Variants in TAOK3 observed in about 807,000 individuals in gnomAD.
The protein encoded by TAOK3 is serine/threonine-protein kinase TAO3.
Under a neutral mutation model 120.4 loss-of-function variants are expected in TAOK3, and 40 were observed. That is an observed-to-expected ratio of 0.33 (90% CI 0.26 to 0.43). The LOEUF (loss-of-function observed/expected upper bound fraction) is 0.43, where lower values mean the gene tolerates loss of function less well. Among genes scored for constraint, TAOK3 ranks in the 20% least tolerant of loss-of-function variants. The pLI, the probability that TAOK3 is intolerant of heterozygous loss-of-function variation, is 1.00. For missense variants in TAOK3, 821 were observed against 1,112.1 expected (o/e 0.74, Z 3.72); for synonymous variants, 355 against 387.5 (o/e 0.92, Z 0.99).
chr12:118,182,623 A>ATATATATATATATATATATATTT (rs371125415), intron 14 of TAOK3, among the ~76,000 whole-genome samples: 1 of 92,416 alleles, frequency 1.1e-5, no homozygotes, highest in Non-Finnish European at 2.0e-5. Context: ...ATATATATAT[A>ATATATATATATATATATATATTT]TTTTTTTTTT....
intron 1 of TAOK3, among the ~76,000 whole-genome samples, chr12:118,302,475 A>G (rs916239824): frequency 2.0e-5 from 3 of 152,148 alleles, no homozygotes; most frequent in Non-Finnish European, 2.9e-5. Flanking sequence ...CAGTTTTCTT[A>G]TGGGTATAAT....
At position 118,160,173 on chromosome 12, in the gene TAOK3, A is replaced by G. The variant is rs150087751; in HGVS notation, c.2325T>C (p.Ser775=). 268 of 1,614,048 alleles carry G rather than the reference A, an allele frequency of 1.7e-4. No homozygotes were observed. The African/African-American group carries it at 3.1e-3, about 19-fold the overall frequency. The part of the protein sequence containing the change: ...LAILAEQYEQ[S]INEMMASQAL... ...CTTGAGAGGCCATCATTTCATTTAT[A>G]CTCTGTTCATACTGCTCTGCCAAAA... The change falls in exon 19 of 21, where the codon AGT becomes AGC. Residue 775 remains serine (S), a synonymous_variant. Transcript: ENST00000392533. This position sits in a 1 kb window ranked among gnomAD's most constrained non-coding sequence, Gnocchi z 4.2.
rs751272460 is a variant in TAOK3 at position 118,233,658 on chromosome 12, A to G, written c.643+16T>C. On this transcript the variant is annotated intron_variant, in intron 9 of 20. Transcript: ENST00000392533. ...ATTTTAAAAAATACAATGAAAACAAATAACTCTTTACTCACCCAATTCAAT... is the reference window on the plus strand; with the variant it reads ...ATTTTAAAAAATACAATGAAAACAAGTAACTCTTTACTCACCCAATTCAAT... 3.9e-6 allele frequency: 6 copies of G among 1,554,138 alleles called. No individual in the cohort carries two copies. In the African/African-American group the frequency reaches 6.8e-5, roughly 18 times the overall value.
At chr12:118,250,582 T>A (rs1466890612) in intron 3 of TAOK3, among the ~76,000 whole-genome samples, 1 of 148,112 alleles carries the variant, frequency 6.8e-6, no homozygotes, top group African/African-American at 2.7e-5. Flanking sequence ...GAGTTCTTCA[T>A]CATTCATTCA....
At chr12:118,317,881 C>T (rs1053464570) in intron 1 of TAOK3, among the ~76,000 whole-genome samples, 2 of 152,046 alleles carry the variant, frequency 1.3e-5, no homozygotes, top group Non-Finnish European at 1.5e-5. Flanking sequence ...TTACAAAGCT[C>T]AGTAATCAAA....
chr12:118,173,403 G>A (rs1424414819), intron 16 of TAOK3, among the ~76,000 whole-genome samples: 1 of 152,164 alleles, frequency 6.6e-6, no homozygotes, highest in African/African-American at 2.4e-5. Context: ...ATAATGAGAT[G>A]CATTTGAAAA....
chr12:118,162,121 T>C (rs2035260689), intron 17 of TAOK3, 94 bp from the exon 18 acceptor site: 6 of 1,465,918 alleles, frequency 4.1e-6, no homozygotes, highest in Non-Finnish European at 5.6e-6. Context: ...GGAATGGCAC[T>C]GCTAACCATC....
At chr12:118,261,207 A>G (rs2041213910) in intron 2 of TAOK3, among the ~76,000 whole-genome samples, 1 of 152,236 alleles carries the variant, frequency 6.6e-6, no homozygotes, top group Non-Finnish European at 1.5e-5. Flanking sequence ...GGCCTACTGT[A>G]TGTCTAAGTG....
intron 19 of TAOK3, among the ~76,000 whole-genome samples, chr12:118,157,748 G>A (rs2034940717): frequency 6.6e-6 from 1 of 152,200 alleles, no homozygotes; most frequent in Non-Finnish European, 1.5e-5. Context: ...TGTATCTCCA[G>A]ATGCCTGGTA....
At chr12:118,273,346 C>CA (rs1395335800) in intron 1 of TAOK3, among the ~76,000 whole-genome samples, 3 of 151,692 alleles carry the variant, frequency 2.0e-5, no homozygotes, top group African/African-American at 7.3e-5. Context: ...ACTAAAAATA[C>CA]AAAAAATTAG....
Position 118,243,468 on chromosome 12 carries a change from G to A in TAOK3, c.241C>T (p.His81Tyr). 2.6e-6 allele frequency: 4 copies of A among 1,537,522 alleles called. No individual in the cohort carries two copies. The highest frequency in any genetic ancestry group is 2.4e-5 in the East Asian group (1 of 41,338). ...CCTTTGTACTCAATAGTATTAGGATGCTTCAATTGTCGTAAAAATTTAACT... is the reference window on the plus strand; with the variant it reads ...CCTTTGTACTCAATAGTATTAGGATACTTCAATTGTCGTAAAAATTTAACT... ...KEVKFLRQLK[H>Y]PNTIEYKGCY... Residue 81 changes from histidine to tyrosine, a missense_variant, in exon 5 of 21, where the codon CAT becomes TAT. Physicochemically the swap from His to Tyr is moderately conservative, Grantham distance 83. Transcript: ENST00000392533.
intron 2 of TAOK3, among the ~76,000 whole-genome samples, chr12:118,263,342 C>A (rs556748087): frequency 2.0e-5 from 3 of 152,196 alleles, no homozygotes; most frequent in South Asian, 2.1e-4. Flanking sequence ...AAAACTGACT[C>A]CAAATAGGTT....
At chr12:118,243,378 T>C (rs569813924) in intron 5 of TAOK3, 37 bp downstream of exon 5, 14 of 1,115,892 alleles carry the variant, frequency 1.3e-5, no homozygotes, top group South Asian at 4.2e-5. Flanking sequence ...AAGAAAAAAA[T>C]GTAATAGTAA....
chr12:118,363,749 TGTGTGTGAGA>T (rs771380404), intron 1 of TAOK3, among the ~76,000 whole-genome samples: 1 of 151,154 alleles, frequency 6.6e-6, no homozygotes, highest in Non-Finnish European at 1.5e-5. Context: ...TGTGTGTGTG[TGTGTGTGAGA>T]GAGAGAGAGA....
intron 11 of TAOK3, among the ~76,000 whole-genome samples, chr12:118,210,450 T>C (rs696045): frequency 0.93 from 141,848 of 152,126 alleles, 66,277 homozygotes; most frequent in East Asian, 1. Context: ...AGGTCTGGAG[T>C]CAGTTGGTTT....
intron 9 of TAOK3, among the ~76,000 whole-genome samples, chr12:118,220,175 T>C (rs899356781): frequency 6.6e-6 from 1 of 152,096 alleles, no homozygotes; most frequent in African/African-American, 2.4e-5. Flanking sequence ...CCCAAAGTGC[T>C]GGGATTAGAG....
chr12:118,339,275 C>CTT (rs72009582), intron 1 of TAOK3, among the ~76,000 whole-genome samples: 3,420 of 86,832 alleles, frequency 0.039, 677 homozygotes, highest in African/African-American at 0.074. Flanking sequence ...CTTCATCATA[C>CTT]TTTTTTTTTT....
intron 3 of TAOK3, among the ~76,000 whole-genome samples, chr12:118,254,426 T>A (rs916104660): frequency 6.6e-6 from 1 of 151,678 alleles, no homozygotes. Context: ...ATAAACCCTG[T>A]CCTCATGACA....
intron 1 of TAOK3, among the ~76,000 whole-genome samples, chr12:118,317,190 G>A (rs1032129522): frequency 2.7e-5 from 4 of 149,230 alleles, no homozygotes; most frequent in Non-Finnish European, 4.4e-5. Flanking sequence ...TCGAAACTGT[G>A]AGGCAGAAGT....
Sources: allele counts gnomAD v4.1 joint callset (sites outside exome capture counted in the v4.1 genomes callset), GRCh38; gene constraint gnomAD v4.1.1; non-coding constraint Gnocchi (gnomAD v3.1); transcripts MANE v1.5; gene names NCBI Gene and HGNC (gene_info 2026-07-23, HGNC 2026-07-21).